The following SORCS1 variants were observed in gnomAD, a reference collection of about 807,000 sequenced individuals.
The protein encoded by SORCS1 is sortilin related VPS10 domain containing receptor 1.
A neutral mutation model predicts 146.1 loss-of-function variants in SORCS1; 60 were observed. That is an observed-to-expected ratio of 0.41 (90% CI 0.33 to 0.51). SORCS1 has a LOEUF of 0.51. Among genes scored for constraint, SORCS1 ranks in the 20% least tolerant of loss-of-function variants. SORCS1 has a pLI of 0.21. For synonymous variants in SORCS1, 637 were observed against 584.0 expected (o/e 1.09, Z -1.31); for missense variants, 1,352 against 1,487.6 (o/e 0.91, Z 1.50).
intron 1 of SORCS1, among the ~76,000 whole-genome samples, chr10:107,120,514 A>T (rs750802018): frequency 1.3e-4 from 20 of 152,352 alleles, no homozygotes; most frequent in Non-Finnish European, 2.1e-4. Context: ...AAATCACAGC[A>T]GTGATACTTA....
At chr10:106,613,842 C>T (rs1357148298) in intron 21 of SORCS1, among the ~76,000 whole-genome samples, 2 of 152,074 alleles carry the variant, frequency 1.3e-5, no homozygotes, top group South Asian at 2.1e-4. Flanking sequence ...AGGACCTGTA[C>T]TTCCCTGTGC....
chr10:106,890,151 T>C (rs1287311693), intron 2 of SORCS1, among the ~76,000 whole-genome samples: 1 of 152,180 alleles, frequency 6.6e-6, no homozygotes, highest in Non-Finnish European at 1.5e-5. Context: ...GTGATTCTGA[T>C]GCACAATTAA....
intron 3 of SORCS1, among the ~76,000 whole-genome samples, chr10:106,802,695 C>T (rs11593615): frequency 0.13 from 19,675 of 152,122 alleles, 1,308 homozygotes; most frequent in East Asian, 0.25. Context: ...GACGGGGTTT[C>T]ACCATGTTGG....
At chr10:106,614,183 C>T (rs1415755543) in intron 21 of SORCS1, among the ~76,000 whole-genome samples, 3 of 152,174 alleles carry the variant, frequency 2.0e-5, no homozygotes, top group Non-Finnish European at 4.4e-5. Flanking sequence ...AATTAATAAA[C>T]ATTTGTTGAA....
chr10:106,927,956 G>A (rs1953153213), intron 2 of SORCS1, among the ~76,000 whole-genome samples: 1 of 152,244 alleles, frequency 6.6e-6, no homozygotes, highest in Non-Finnish European at 1.5e-5. Flanking sequence ...GCTAGACACA[G>A]AGTGCCAATT....
At chr10:107,011,678 T>G (rs1362302879) in intron 1 of SORCS1, among the ~76,000 whole-genome samples, 1 of 152,212 alleles carries the variant, frequency 6.6e-6, no homozygotes, top group Admixed American at 6.5e-5. Flanking sequence ...TGTCAGATAA[T>G]ACAAGAGAAC....
chr10:107,003,429 AGTGTGTGTGT>A (rs59467041), intron 1 of SORCS1, among the ~76,000 whole-genome samples: 8,436 of 140,450 alleles, frequency 0.06, 844 homozygotes, highest in African/African-American at 0.2. Flanking sequence ...AATTCCCATA[AGTGTGTGTGT>A]GTGTGTGTGT....
At position 107,164,421 on chromosome 10, in the gene SORCS1, A is replaced by AGCC; in HGVS notation, c.103_105dup (p.Gly35dup). The AGCC allele has an allele frequency of 7.1e-7, 1 of 1,410,484 alleles. No individual in the cohort carries two copies. The highest frequency in any genetic ancestry group is 2.7e-5 in the East Asian group (1 of 37,464). The allele number at this position is 1,410,484 out of a possible 1,614,324, so 87.4% of individuals were successfully genotyped here. On this transcript the variant is annotated inframe_insertion, in exon 1 of 26. Coordinates refer to ENST00000263054, the MANE Select transcript of SORCS1 (RefSeq NM_052918.5). This position sits in a 1 kb window ranked among gnomAD's most constrained non-coding sequence, Gnocchi z 6.8. ...CTGGGGTGCGGCGAGGGGCAGCAGGAGCCGCCGCCGCAGACGCCCGGGGCG... is the reference window on the plus strand; with the variant it reads ...CTGGGGTGCGGCGAGGGGCAGCAGGAGCCGCCGCCGCCGCAGACGCCCGGGGCG...
At chr10:106,603,750 G>T (rs779588173) in intron 23 of SORCS1, among the ~76,000 whole-genome samples, 1 of 152,160 alleles carries the variant, frequency 6.6e-6, no homozygotes, top group Admixed American at 6.5e-5. Context: ...CTTTGGGTTT[G>T]CTTTGCATTT....
In SORCS1 at chr10:106,956,269, A is replaced by G. The variant is rs144972986; in HGVS notation, c.626+244T>C. Among the ~76,000 whole-genome samples, 29 of 152,336 alleles carry G rather than the reference A, an allele frequency of 1.9e-4. No homozygotes were observed. The East Asian group carries it at 5.4e-3, about 28-fold the overall frequency. Reference sequence around the variant, plus strand: ...GTCAGTGAGACAGTGCATAAACACAACCTATCATACAGGTTAGCAAAAGAA... The same window carrying G: ...GTCAGTGAGACAGTGCATAAACACAGCCTATCATACAGGTTAGCAAAAGAA... On this transcript the variant is annotated intron_variant, in intron 2 of 25. Coordinates refer to ENST00000263054, the MANE Select transcript of SORCS1 (RefSeq NM_052918.5).
chr10:106,778,804 T>C (rs949610464), intron 3 of SORCS1, among the ~76,000 whole-genome samples: 12 of 152,204 alleles, frequency 7.9e-5, no homozygotes, highest in Admixed American at 3.3e-4. Flanking sequence ...TCTAGTTCCC[T>C]GTTAGCCAGA....
At chr10:106,746,268 G>A (rs1169039017) in intron 5 of SORCS1, among the ~76,000 whole-genome samples, 1 of 152,202 alleles carries the variant, frequency 6.6e-6, no homozygotes. Flanking sequence ...CCATGGTAAT[G>A]TAAGATGTTA....
At chr10:107,124,959 T>C (rs955754600) in intron 1 of SORCS1, among the ~76,000 whole-genome samples, 18 of 146,566 alleles carry the variant, frequency 1.2e-4, no homozygotes, top group Middle Eastern at 3.5e-3. Context: ...TTTTCTTTTT[T>C]TTTTTTTTTT....
intron 1 of SORCS1, among the ~76,000 whole-genome samples, chr10:106,961,505 T>A (rs940897275): frequency 1.2e-4 from 18 of 152,318 alleles, no homozygotes; most frequent in African/African-American, 4.3e-4. Flanking sequence ...TTTCTTTTCT[T>A]AAAAACAAAA....
chr10:106,659,125 A>G (rs1018063186), intron 17 of SORCS1, among the ~76,000 whole-genome samples: 1 of 152,226 alleles, frequency 6.6e-6, no homozygotes, highest in Admixed American at 6.5e-5. Flanking sequence ...TCAGGAATAG[A>G]CTTCCATGGC....
intron 2 of SORCS1, among the ~76,000 whole-genome samples, chr10:106,890,811 CAT>C (rs752651150): frequency 4.5e-5 from 5 of 109,894 alleles, no homozygotes; most frequent in African/African-American, 2.3e-4. Flanking sequence ...TATATACATA[CAT>C]TTTTTTTTTT....
intron 1 of SORCS1, among the ~76,000 whole-genome samples, chr10:107,006,754 T>C (rs1487373851): frequency 1.3e-5 from 2 of 152,188 alleles, no homozygotes; most frequent in Non-Finnish European, 2.9e-5. Context: ...GAGGCGGAGC[T>C]TGCAGTGAGC....
intron 18 of SORCS1, among the ~76,000 whole-genome samples, chr10:106,638,243 A>G (rs536080559): frequency 7.0e-4 from 107 of 152,370 alleles, no homozygotes; most frequent in Non-Finnish European, 1.2e-3. Flanking sequence ...GAATTCACTC[A>G]TAAAGTAAAG....
intron 2 of SORCS1, among the ~76,000 whole-genome samples, chr10:106,840,063 T>A (rs942698750): frequency 4.6e-5 from 7 of 152,214 alleles, no homozygotes; most frequent in African/African-American, 1.4e-4. Flanking sequence ...ACACAACATC[T>A]ATTCTGTACT....
Sources: allele counts gnomAD v4.1 joint callset (sites outside exome capture counted in the v4.1 genomes callset), GRCh38; gene constraint gnomAD v4.1.1; non-coding constraint Gnocchi (gnomAD v3.1); transcripts MANE v1.5; gene names NCBI Gene and HGNC (gene_info 2026-07-23, HGNC 2026-07-21).